The following UST variants were observed in gnomAD, a reference collection of about 807,000 sequenced individuals.
The protein encoded by UST is uronyl 2-sulfotransferase.
In UST, 21 loss-of-function variants were observed where a neutral mutation model predicts 45.6. The observed-to-expected ratio is 0.46, with a 90% CI of 0.33 to 0.66. UST has a LOEUF of 0.66. Among genes scored for constraint, UST ranks in the 30% least tolerant of loss-of-function variants. The pLI is 0.02. For synonymous variants in UST, 215 were observed against 200.6 expected, an observed-to-expected ratio of 1.07 and a Z score of -0.61; for missense variants, 463 against 512.4, an observed-to-expected ratio of 0.90 and a Z score of 0.93.
chr6:148,875,351 T>A (rs1227957022), intron 1 of UST, among the ~76,000 whole-genome samples: 2 of 152,148 alleles, frequency 1.3e-5, no homozygotes, highest in South Asian at 2.1e-4. Flanking sequence ...TTGGAAAAAA[T>A]TTTTTGTAAA....
chr6:149,051,742 T>TG lies in UST; in HGVS notation c.938-22084dup, dbSNP rs770201948. Among the ~76,000 whole-genome samples, 5 of 152,210 alleles carry TG rather than the reference T, an allele frequency of 3.3e-5. No homozygotes were observed. In the East Asian group the frequency reaches 7.7e-4, roughly 23 times the overall value. On this transcript the variant is annotated intron_variant, in intron 7 of 7. Coordinates refer to ENST00000367463, the MANE Select transcript of UST (RefSeq NM_005715.3). ...AACCATCCAGCTATTGCAGTGGCGA[T>TG]GGGGGGGTGTCTGACAAAACTTTAC...
chr6:148,952,703 G>A (rs12528390), intron 3 of UST, among the ~76,000 whole-genome samples: 9,869 of 152,134 alleles, frequency 0.065, 382 homozygotes, highest in South Asian at 0.14. Flanking sequence ...TTGCTACTGC[G>A]GTTCACATGT....
At chr6:148,912,157 A>G (rs959686168) in intron 2 of UST, among the ~76,000 whole-genome samples, 1 of 152,240 alleles carries the variant, frequency 6.6e-6, no homozygotes, top group South Asian at 2.1e-4. Flanking sequence ...AGATCATGCC[A>G]ATGCACTCCA....
At chr6:148,861,369 C>T (rs2114800548) in intron 1 of UST, among the ~76,000 whole-genome samples, 1 of 152,124 alleles carries the variant, frequency 6.6e-6, no homozygotes, top group East Asian at 1.9e-4. Flanking sequence ...TTTATTGTGT[C>T]TATTTGATTC....
intron 2 of UST, among the ~76,000 whole-genome samples, chr6:148,935,948 C>G (rs1780017955): frequency 6.6e-6 from 1 of 152,106 alleles, no homozygotes; most frequent in South Asian, 2.1e-4. Flanking sequence ...TGATCGCCGA[C>G]TGTTGAAAAA....
Position 148,993,965 on chromosome 6 carries a change from T to C in UST, c.682-25174T>C, listed in dbSNP as rs988830570. On this transcript the variant is annotated intron_variant, in intron 5 of 7. Transcript: ENST00000367463. The stretch of plus-strand genomic sequence containing the variant: ...CTTGAATATTTCTTTCCTTTTTTTT[T>C]TTTTTTTTTTTTTTTTTTTGTTGAG... Among the ~76,000 whole-genome samples, 9 of 26,524 alleles carry C rather than the reference T, an allele frequency of 3.4e-4. 1 individual carries two copies. Among genetic ancestry groups the C allele is most frequent in the African/African-American group, 9.6e-4 (9 of 9,422 alleles). The allele number at this position is 26,524 out of a possible 152,430, so 17.4% of individuals were successfully genotyped here. A position where few individuals can be genotyped will look rare whatever the true frequency, so the allele number is the denominator to read the frequency against.
At chr6:148,884,182 G>A (rs1448381523) in intron 1 of UST, among the ~76,000 whole-genome samples, 2 of 151,972 alleles carry the variant, frequency 1.3e-5, no homozygotes, top group South Asian at 2.1e-4. Context: ...AGCAAACTGG[G>A]CTAATGTACT....
chr6:148,976,096 T>C (rs1781011135), intron 5 of UST, among the ~76,000 whole-genome samples: 1 of 152,056 alleles, frequency 6.6e-6, no homozygotes, highest in African/African-American at 2.4e-5. Flanking sequence ...AAAGACTAAT[T>C]CCCCATTGAA....
At chr6:148,853,863 G>A (rs1402444714) in intron 1 of UST, among the ~76,000 whole-genome samples, 5 of 152,090 alleles carry the variant, frequency 3.3e-5, no homozygotes, top group Non-Finnish European at 7.4e-5. Context: ...TGTACTCCAA[G>A]TAACACTTTC....
intron 1 of UST, among the ~76,000 whole-genome samples, chr6:148,880,139 G>A (rs1276933969): frequency 3.5e-5 from 5 of 144,478 alleles, no homozygotes; most frequent in African/African-American, 1.3e-4. Context: ...ATTTTTAGTG[G>A]AGATGGGGTT....
At chr6:149,014,716 G>C (rs1164598320) in intron 5 of UST, among the ~76,000 whole-genome samples, 2 of 152,172 alleles carry the variant, frequency 1.3e-5, no homozygotes, top group East Asian at 3.9e-4. Context: ...GAGAGGAAGA[G>C]CAAAGGCATG....
chr6:148,879,981 T>C (rs1027645603), intron 1 of UST, among the ~76,000 whole-genome samples: 1 of 144,582 alleles, frequency 6.9e-6, no homozygotes, highest in Non-Finnish European at 1.5e-5. Context: ...AAGGTCTTGC[T>C]CTGTTGCCCA....
At chr6:148,878,530 CGGGGGGTCATGTATGAGTGT>C (rs1264805250) in intron 1 of UST, among the ~76,000 whole-genome samples, 1 of 46,720 alleles carries the variant, frequency 2.1e-5, no homozygotes, top group East Asian at 6.7e-4. Context: ...TGTATGAGTG[CGGGGGGTCATGTATGAGTGT>C]GGGGGATCGT....
At chr6:148,895,167 TC>T (rs1462860020) in intron 2 of UST, among the ~76,000 whole-genome samples, 4 of 152,058 alleles carry the variant, frequency 2.6e-5, no homozygotes, top group African/African-American at 9.7e-5. Flanking sequence ...ACTCAGGTTT[TC>T]CCCCCAACCT....
chr6:148,956,753 A>G (rs952689260), intron 4 of UST, among the ~76,000 whole-genome samples: 1 of 152,150 alleles, frequency 6.6e-6, no homozygotes, highest in Non-Finnish European at 1.5e-5. Flanking sequence ...ACACATGTCT[A>G]TGGATTACCT....
At chr6:148,942,508 A>C (rs996242519) in intron 3 of UST, among the ~76,000 whole-genome samples, 41 of 152,186 alleles carry the variant, frequency 2.7e-4, no homozygotes, top group African/African-American at 9.9e-4. Context: ...CAGTGAGTCA[A>C]GATTGCACCA....
Position 148,790,814 on chromosome 6 carries a change from A to G in UST, c.247+43137A>G, listed in dbSNP as rs1776831009. 6.6e-6 allele frequency among the ~76,000 whole-genome samples: 1 copy of G among 152,206 alleles called. No individual in the cohort carries two copies. The highest frequency in any genetic ancestry group is 2.4e-5 in the African/African-American group (1 of 41,464). On this transcript the variant is annotated intron_variant, in intron 1 of 7. Coordinates refer to ENST00000367463, the MANE Select transcript of UST (RefSeq NM_005715.3). The surrounding 1 kb of genome is among the most constrained non-coding windows in gnomAD (Gnocchi z 4.2). ...TGGGACAACTCTGATGGGCCATCCC[A>G]GTTCCAGAGCTCCTGTGGGACAGGC...
intron 5 of UST, among the ~76,000 whole-genome samples, chr6:149,003,544 C>T (rs1304877682): frequency 6.6e-6 from 1 of 152,028 alleles, no homozygotes; most frequent in Admixed American, 6.6e-5. Flanking sequence ...TTTCTGACAT[C>T]ATAGACAGAA....
At chr6:149,001,952 A>C (rs1781557214) in intron 5 of UST, among the ~76,000 whole-genome samples, 1 of 152,228 alleles carries the variant, frequency 6.6e-6, no homozygotes, top group African/African-American at 2.4e-5. Flanking sequence ...ATTAGAAAAA[A>C]TTTAATCAAG....
Sources: allele counts gnomAD v4.1 joint callset (sites outside exome capture counted in the v4.1 genomes callset), GRCh38; gene constraint gnomAD v4.1.1; non-coding constraint Gnocchi (gnomAD v3.1); transcripts MANE v1.5; gene names NCBI Gene and HGNC (gene_info 2026-07-23, HGNC 2026-07-21).